GOPC: variants seen among roughly 807,000 people sequenced by gnomAD.
GOPC encodes golgi associated PDZ and coiled-coil motif containing, also known as Golgi-associated PDZ and coiled-coil motif-containing protein.
In GOPC, 32 loss-of-function variants were observed where a neutral mutation model predicts 51.2. The ratio of observed to expected loss-of-function variants is 0.63; its 90% CI spans 0.47 to 0.84. The LOEUF (loss-of-function observed/expected upper bound fraction) is 0.84. Ranked by LOEUF, GOPC falls within the 40% of genes least tolerant of loss-of-function variation. The pLI is 0.00. For synonymous variants in GOPC, 190 were observed against 205.1 expected (o/e 0.93, Z 0.63); for missense variants, 441 against 555.5 (o/e 0.79, Z 2.07).
At chr6:117,584,655 T>C (rs1241697592) in intron 1 of GOPC, among the ~76,000 whole-genome samples, 1 of 152,054 alleles carries the variant, frequency 6.6e-6, no homozygotes, top group African/African-American at 2.4e-5. Context: ...TTTTAGGTTT[T>C]TATGGAGGCT....
chr6:117,588,268 C>A (rs1583061613), intron 1 of GOPC, among the ~76,000 whole-genome samples: 1 of 151,868 alleles, frequency 6.6e-6, no homozygotes, highest in Non-Finnish European at 1.5e-5. Flanking sequence ...CTGGGGAGGC[C>A]TCAGCAAACT....
chr6:117,563,857 TA>T (rs1779639594), intron 8 of GOPC, among the ~76,000 whole-genome samples: 1 of 152,144 alleles, frequency 6.6e-6, no homozygotes, highest in Non-Finnish European at 1.5e-5. Flanking sequence ...CAGTAATTCC[TA>T]ACAGGGGAAT....
chr6:117,602,067 G>A lies in GOPC; in HGVS notation c.222C>T (p.Ser74=), dbSNP rs1341932941. The A allele has an allele frequency of 2.5e-6, 4 of 1,614,074 alleles. No homozygotes were observed. In the African/African-American group the frequency reaches 4.0e-5, roughly 16 times the overall value. ...TGTGGCAAAGCTGTGCAAAGCAGGA[G>A]CTCAGGCTGGTCATCTTCTGTCGCC... ...YEGRQKMTSL[S]SCFAQLCHKA... The change falls in exon 1 of 9, where the codon AGC becomes AGT. Residue 74 remains serine (S), a synonymous_variant. Transcript: ENST00000368498.
chr6:117,560,636 G>GTCTT lies in GOPC; in HGVS notation c.*2614_*2617dup, dbSNP rs1389769024. On this transcript the variant is annotated 3_prime_UTR_variant, in exon 9 of 9. Transcript: ENST00000368498. The stretch of plus-strand genomic sequence containing the variant: ...AATTATCAAGACTCACAAAATTTTC[G>GTCTT]TCTTTCTCAAATTTATTTTAACAAT... 1 of 195,032 alleles carries GTCTT rather than the reference G, an allele frequency of 5.1e-6. No individual in the cohort carries two copies. The highest frequency in any genetic ancestry group is 2.3e-5 in the African/African-American group (1 of 43,228). 12.1% of individuals were successfully genotyped at this position (195,032 alleles called of 1,614,324 possible).
Position 117,563,017 on chromosome 6 carries a change from G to C in GOPC, c.*237C>G. The stretch of plus-strand genomic sequence containing the variant: ...ACCCCTTTGGGAAACACATGCTTTG[G>C]TGCTTACAAGTTCAAGAAAATCAAA... On this transcript the variant is annotated 3_prime_UTR_variant, in exon 9 of 9. Transcript: ENST00000368498. The C allele has an allele frequency of 2.1e-6, 1 of 478,206 alleles. No individual in the cohort carries two copies. 29.6% of individuals were successfully genotyped at this position (478,206 alleles called of 1,614,324 possible). A position where few individuals can be genotyped will look rare whatever the true frequency, so the allele number is the denominator to read the frequency against.
intron 1 of GOPC, among the ~76,000 whole-genome samples, chr6:117,591,684 C>T (rs574442902): frequency 7.2e-5 from 11 of 152,242 alleles, no homozygotes; most frequent in Middle Eastern, 3.4e-3. Flanking sequence ...GGCCTATTTA[C>T]AGAACTGCAA....
intron 1 of GOPC, among the ~76,000 whole-genome samples, chr6:117,579,369 C>G (rs1171745930): frequency 6.6e-6 from 1 of 152,036 alleles, no homozygotes; most frequent in East Asian, 1.9e-4. Flanking sequence ...ATCTTCAAAG[C>G]TTATGAAAAC....
intron 1 of GOPC, among the ~76,000 whole-genome samples, chr6:117,585,522 AT>A (rs921608545): frequency 6.6e-6 from 1 of 152,146 alleles, no homozygotes. Flanking sequence ...AAACATCTTT[AT>A]TTTACACATG....
At chr6:117,581,771 T>G (rs1779962624) in intron 1 of GOPC, among the ~76,000 whole-genome samples, 1 of 152,244 alleles carries the variant, frequency 6.6e-6, no homozygotes, top group South Asian at 2.1e-4. Flanking sequence ...CATTCTACTT[T>G]GGATGGGCAT....
intron 4 of GOPC, among the ~76,000 whole-genome samples, chr6:117,574,414 A>G (rs1238057982): frequency 6.6e-6 from 1 of 152,228 alleles, no homozygotes. Context: ...TACTTAATAA[A>G]TACAGCAGAA....
chr6:117,578,092 C>T (rs894841997), intron 2 of GOPC, among the ~76,000 whole-genome samples: 2 of 152,104 alleles, frequency 1.3e-5, no homozygotes, highest in Non-Finnish European at 2.9e-5. Flanking sequence ...ACACTCAAAA[C>T]ATATGTGGTA....
chr6:117,562,309 T>C lies in GOPC; in HGVS notation c.*945A>G. 1 of 203,846 alleles carries C rather than the reference T, an allele frequency of 4.9e-6. No homozygotes were observed. The highest frequency in any genetic ancestry group is 1.0e-5 in the Non-Finnish European group (1 of 99,396). The allele number at this position is 203,846 out of a possible 1,614,324, so 12.6% of individuals were successfully genotyped here. On this transcript the variant is annotated 3_prime_UTR_variant, in exon 9 of 9. Coordinates refer to ENST00000368498, the MANE Select transcript of GOPC (RefSeq NM_020399.4). ...CATTTACTTAGAAAGAAAACTGCCG[T>C]TTGATTTGAATGTACTGTGTTTCAT...
chr6:117,563,518 TCGAG>T, intron 8 of GOPC, 134 bp from the exon 9 acceptor site: 3 of 750,930 alleles, frequency 4.0e-6, no homozygotes, highest in Non-Finnish European at 6.6e-6. Context: ...GGTTAGGGGT[TCGAG>T]ACCAGCCTGG....
At chr6:117,588,914 T>C (rs1280156871) in intron 1 of GOPC, among the ~76,000 whole-genome samples, 3 of 152,064 alleles carry the variant, frequency 2.0e-5, no homozygotes, top group South Asian at 4.1e-4. Flanking sequence ...TTAGACCTTC[T>C]GAAAAAAGGC....
chr6:117,583,740 G>C (rs1195005116), intron 1 of GOPC, among the ~76,000 whole-genome samples: 1 of 151,886 alleles, frequency 6.6e-6, no homozygotes, highest in Admixed American at 6.6e-5. Context: ...TCTTTTGACT[G>C]TATTTTAAGG....
Position 117,595,688 on chromosome 6 carries a change from A to C in GOPC, c.285+6316T>G, listed in dbSNP as rs566995317. 5.9e-5 allele frequency among the ~76,000 whole-genome samples: 9 copies of C among 152,318 alleles called. No homozygotes were observed. In the East Asian group the frequency reaches 1.4e-3, roughly 23 times the overall value. On this transcript the variant is annotated intron_variant, in intron 1 of 8. Transcript: ENST00000368498. ...TTACTTCATTTAGATAATGGTCTCCAATCAATTCCACCCAGGTTGCTGCAA... is the reference window on the plus strand; with the variant it reads ...TTACTTCATTTAGATAATGGTCTCCCATCAATTCCACCCAGGTTGCTGCAA...
At position 117,602,171 on chromosome 6, in the gene GOPC, CCTT is replaced by C; in HGVS notation, c.115_117del (p.Lys39del). 1 of 1,613,616 alleles carries C rather than the reference CCTT, an allele frequency of 6.2e-7. No individual in the cohort carries two copies. The highest frequency in any genetic ancestry group is 8.5e-7 in the Non-Finnish European group (1 of 1,180,020). ...ACATCCACAAAAGCTTTGTCGAACT[CCTT>C]CTCCAGCACCTCCAGCCACCGGAAC... On this transcript the variant is annotated inframe_deletion, in exon 1 of 9. Coordinates refer to ENST00000368498, the MANE Select transcript of GOPC (RefSeq NM_020399.4).
Position 117,602,489 on chromosome 6 carries a change from A to C in GOPC, c.-201T>G. 1.7e-6 allele frequency: 1 copy of C among 594,486 alleles called. No individual in the cohort carries two copies. The highest frequency in any genetic ancestry group is 3.0e-6 in the Non-Finnish European group (1 of 335,948). 36.8% of individuals were successfully genotyped at this position (594,486 alleles called of 1,614,324 possible). A position where few individuals can be genotyped will look rare whatever the true frequency, so the allele number is the denominator to read the frequency against. On this transcript the variant is annotated 5_prime_UTR_variant, in exon 1 of 9. Coordinates refer to ENST00000368498, the MANE Select transcript of GOPC (RefSeq NM_020399.4). The stretch of plus-strand genomic sequence containing the variant: ...AAGCTGAGGCGGCAACGGCGGCGAC[A>C]CACGGAAGACTCAGTCAGTCCCACC...
intron 5 of GOPC, 113 bp from the exon 6 acceptor site, chr6:117,571,068 G>A: frequency 2.1e-6 from 1 of 465,832 alleles, no homozygotes; most frequent in Non-Finnish European, 3.9e-6. Flanking sequence ...TTCCTGGAAT[G>A]GATAAACAGT....
Sources: allele counts gnomAD v4.1 joint callset (sites outside exome capture counted in the v4.1 genomes callset), GRCh38; gene constraint gnomAD v4.1.1; transcripts MANE v1.5; gene names NCBI Gene and HGNC (gene_info 2026-07-23, HGNC 2026-07-21).